ZUP1: variants seen among roughly 807,000 people sequenced by gnomAD.
ZUP1 encodes the protein zinc finger-containing ubiquitin peptidase 1.
A neutral mutation model predicts 68.1 loss-of-function variants in ZUP1; 55 were observed. The observed-to-expected ratio is 0.81, with a 90% CI of 0.65 to 1.01. The LOEUF (loss-of-function observed/expected upper bound fraction) is 1.01, where lower values mean the gene tolerates loss of function less well. Ranked by LOEUF, ZUP1 falls within the 50% of genes least tolerant of loss-of-function variation. ZUP1 has a pLI of 0.00. For synonymous variants in ZUP1, 223 were observed against 221.5 expected (o/e 1.01, Z -0.06); for missense variants, 684 against 674.9 (o/e 1.01, Z -0.15).
At chr6:116,641,722 C>T (rs1776106378) in intron 9 of ZUP1, among the ~76,000 whole-genome samples, 1 of 151,792 alleles carries the variant, frequency 6.6e-6, no homozygotes, top group Non-Finnish European at 1.5e-5. Context: ...CACTAAATGC[C>T]CACAAGAGAA....
chr6:116,664,493 T>C (rs1776939822), intron 2 of ZUP1, among the ~76,000 whole-genome samples: 1 of 149,116 alleles, frequency 6.7e-6, no homozygotes, highest in South Asian at 2.1e-4. Flanking sequence ...CCTGAATTAA[T>C]GGGGAGATGT....
intron 2 of ZUP1, among the ~76,000 whole-genome samples, chr6:116,663,150 C>T (rs749427197): frequency 3.3e-5 from 5 of 152,074 alleles, no homozygotes; most frequent in Admixed American, 6.5e-5. Context: ...AACACCTATC[C>T]TTCTACCTCA....
At chr6:116,664,385 C>T (rs1431666427) in intron 2 of ZUP1, among the ~76,000 whole-genome samples, 2 of 150,436 alleles carry the variant, frequency 1.3e-5, no homozygotes, top group African/African-American at 4.9e-5. Flanking sequence ...GAGCAGAGAT[C>T]GTGCCATTAC....
intron 9 of ZUP1, among the ~76,000 whole-genome samples, chr6:116,642,645 G>A (rs1431397877): frequency 3.3e-5 from 5 of 152,210 alleles, no homozygotes; most frequent in Non-Finnish European, 7.3e-5. Flanking sequence ...AACACTTCAT[G>A]CTAAAAACTC....
At chr6:116,653,239 A>G (rs940976990) in intron 5 of ZUP1, among the ~76,000 whole-genome samples, 1 of 151,880 alleles carries the variant, frequency 6.6e-6, no homozygotes, top group African/African-American at 2.4e-5. Flanking sequence ...CCTTTTTCTG[A>G]TTCTACCCTA....
At chr6:116,662,830 C>T (rs887201068) in intron 2 of ZUP1, among the ~76,000 whole-genome samples, 5 of 152,260 alleles carry the variant, frequency 3.3e-5, no homozygotes, top group East Asian at 1.9e-4. Context: ...CTGTTTTAAG[C>T]CCCATTTTTG....
rs1776680355 is a variant in ZUP1, at chr6:116,656,779, CT to C, written c.865del (p.Arg289GlyfsTer16). 1 of 1,611,002 alleles carries C rather than the reference CT, an allele frequency of 6.2e-7. No individual in the cohort carries two copies. Among genetic ancestry groups the C allele is most frequent in the South Asian group, 1.1e-5 (1 of 90,848 alleles). ...AAATTCAGATGGAGGCATTCTTCCC[CT>C]ATTTACTTCTATCTCCATATTTCGT... ...QLRNMEIEVN[R>X]GRMPPSEFHR... On this transcript the variant is annotated frameshift_variant, in exon 5 of 10. Coordinates refer to ENST00000368576, the MANE Select transcript of ZUP1 (RefSeq NM_145062.3). LOFTEE classifies it high-confidence loss of function.
At chr6:116,664,486 G>C (rs1253276488) in intron 2 of ZUP1, among the ~76,000 whole-genome samples, 1 of 150,184 alleles carries the variant, frequency 6.7e-6, no homozygotes, top group Non-Finnish European at 1.5e-5. Context: ...AAGATGACCT[G>C]AATTAATGGG....
intron 2 of ZUP1, 85 bp from the exon 3 acceptor site, chr6:116,660,931 ACT>A: frequency 1.4e-6 from 1 of 735,530 alleles, no homozygotes; most frequent in South Asian, 1.9e-5. Context: ...ACAGGGTCTC[ACT>A]CTGTTGCCCA....
rs1776675457 is a variant in ZUP1, at chr6:116,656,691, TTTTG to T, written c.950_953del (p.Thr317LysfsTer20). ...TGATGTTTAAATACTCACCGGAAGT[TTTTG>T]TTTTTCCATCGTCAAAACCAAGAGC... On this transcript the variant is annotated frameshift_variant, in exon 5 of 10. Coordinates refer to ENST00000368576, the MANE Select transcript of ZUP1 (RefSeq NM_145062.3). LOFTEE classifies it high-confidence loss of function. 6.2e-7 allele frequency: 1 copy of T among 1,608,824 alleles called. No individual in the cohort carries two copies. Among genetic ancestry groups the T allele is most frequent in the African/African-American group, 1.3e-5 (1 of 74,620 alleles).
At chr6:116,665,103 T>C (rs1403644407) in intron 2 of ZUP1, among the ~76,000 whole-genome samples, 1 of 152,002 alleles carries the variant, frequency 6.6e-6, no homozygotes, top group Non-Finnish European at 1.5e-5. Context: ...GTATTGAAAA[T>C]ATATTTTAAA....
intron 2 of ZUP1, among the ~76,000 whole-genome samples, chr6:116,662,853 T>G (rs1038590292): frequency 6.6e-6 from 1 of 152,246 alleles, no homozygotes; most frequent in African/African-American, 2.4e-5. Context: ...ATAACTCATG[T>G]CACCATAATA....
chr6:116,645,072 C>G (rs1405076488), intron 9 of ZUP1, among the ~76,000 whole-genome samples: 4 of 151,850 alleles, frequency 2.6e-5, no homozygotes, highest in African/African-American at 9.7e-5. Flanking sequence ...CTTTTGAAAG[C>G]TTTATTAAGT....
intron 9 of ZUP1, among the ~76,000 whole-genome samples, chr6:116,639,569 C>A (rs1213737383): frequency 6.6e-6 from 1 of 152,184 alleles, no homozygotes; most frequent in Non-Finnish European, 1.5e-5. Flanking sequence ...TACTGATACC[C>A]AGGCAAACGG....
intron 5 of ZUP1, among the ~76,000 whole-genome samples, chr6:116,653,790 A>C (rs1279004751): frequency 1.3e-5 from 2 of 151,992 alleles, no homozygotes; most frequent in African/African-American, 4.8e-5. Context: ...AATAGAAAGG[A>C]AAGTAATAAA....
chr6:116,658,714 T>C (rs370641369), intron 4 of ZUP1, 89 bp downstream of exon 4: 4 of 1,319,748 alleles, frequency 3.0e-6, no homozygotes, highest in Admixed American at 2.7e-5. Context: ...TTTTGAATAA[T>C]AACAAGGACA....
intron 5 of ZUP1, among the ~76,000 whole-genome samples, chr6:116,653,546 G>A (rs1324945615): frequency 1.3e-5 from 2 of 151,994 alleles, no homozygotes; most frequent in Non-Finnish European, 2.9e-5. Flanking sequence ...ATGAAAAGGT[G>A]AAATACTGAT....
chr6:116,656,889 TC>T, intron 4 of ZUP1, 37 bp from the exon 5 acceptor site: 4 of 1,370,938 alleles, frequency 2.9e-6, no homozygotes, highest in Non-Finnish European at 3.0e-6. Context: ...AATTTTTACA[TC>T]CCTGTAACTC....
chr6:116,652,582 T>C (rs1162163369), intron 5 of ZUP1, among the ~76,000 whole-genome samples: 1 of 152,142 alleles, frequency 6.6e-6, no homozygotes, highest in Admixed American at 6.5e-5. Context: ...TTTTTTGTAA[T>C]TTAAGATTTT....
Sources: allele counts gnomAD v4.1 joint callset (sites outside exome capture counted in the v4.1 genomes callset), GRCh38; gene constraint gnomAD v4.1.1; transcripts MANE v1.5; gene names NCBI Gene and HGNC (gene_info 2026-07-23, HGNC 2026-07-21).